Variants in TNPO1 observed in about 807,000 individuals in gnomAD.
TNPO1 encodes transportin-1.
A neutral mutation model predicts 119.5 loss-of-function variants in TNPO1; 8 were observed. That is an observed-to-expected ratio of 0.07 (90% CI 0.04 to 0.12). TNPO1 has a LOEUF of 0.12. Ranked by LOEUF, TNPO1 falls within the 10% of genes least tolerant of loss-of-function variation. The pLI is 1.00. For missense variants in TNPO1, 576 were observed against 1,089.8 expected, an observed-to-expected ratio of 0.53 and a Z score of 6.64; for synonymous variants, 362 against 363.0, an observed-to-expected ratio of 1.00 and a Z score of 0.03.
intron 9 of TNPO1, among the ~76,000 whole-genome samples, chr5:72,880,810 C>G (rs966637444): frequency 7.4e-5 from 8 of 107,780 alleles, no homozygotes; most frequent in African/African-American, 2.6e-4. Flanking sequence ...GAGCAAGACT[C>G]CATCTCAAAA....
chr5:72,895,453 G>A (rs1561355266), intron 18 of TNPO1, among the ~76,000 whole-genome samples: 1 of 151,784 alleles, frequency 6.6e-6, no homozygotes, highest in Non-Finnish European at 1.5e-5. Context: ...GCCAGTGTCT[G>A]GAGACATTTT....
intron 1 of TNPO1, chr5:72,848,028 T>A: frequency 3.9e-6 from 4 of 1,025,526 alleles, no homozygotes; most frequent in Non-Finnish European, 4.7e-6. Context: ...CTGGACGGAA[T>A]TAGAGATGGG....
chr5:72,846,514 G>T (rs1745137272), intron 1 of TNPO1, among the ~76,000 whole-genome samples: 1 of 152,202 alleles, frequency 6.6e-6, no homozygotes, highest in Non-Finnish European at 1.5e-5. Flanking sequence ...TCTCTAGGGA[G>T]CCTGGAGATA....
chr5:72,885,987 A>T (rs1157468644), intron 11 of TNPO1, among the ~76,000 whole-genome samples: 1 of 152,082 alleles, frequency 6.6e-6, no homozygotes, highest in East Asian at 1.9e-4. Context: ...AACTCTCTTG[A>T]TAACTAACCC....
At chr5:72,849,062 A>G (rs1255563924) in intron 2 of TNPO1, among the ~76,000 whole-genome samples, 1 of 151,896 alleles carries the variant, frequency 6.6e-6, no homozygotes, top group Non-Finnish European at 1.5e-5. Flanking sequence ...AAGGCTGGGG[A>G]CCTACAGGTG....
At chr5:72,901,127 G>T in intron 22 of TNPO1, 54 bp downstream of exon 22, 1 of 1,171,612 alleles carries the variant, frequency 8.5e-7, no homozygotes. Context: ...AATTTTAAAG[G>T]AAGAAACATT....
chr5:72,843,401 C>G (rs1236559545), intron 1 of TNPO1, among the ~76,000 whole-genome samples: 2 of 151,998 alleles, frequency 1.3e-5, no homozygotes, highest in Non-Finnish European at 2.9e-5. Flanking sequence ...CCAGACCAGC[C>G]TGGACAACAT....
At chr5:72,840,061 A>G (rs1422105398) in intron 1 of TNPO1, among the ~76,000 whole-genome samples, 1 of 152,218 alleles carries the variant, frequency 6.6e-6, no homozygotes, top group Non-Finnish European at 1.5e-5. Flanking sequence ...GTAGACATTC[A>G]TCAAGAGAGC....
rs137979934 is a variant in TNPO1 at position 72,855,318 on chromosome 5, A to G, written c.206-456A>G. ...AAAATTTTAATAGGATATGTTTAAG[A>G]CTAGTACTTCCAGCTCTATAATGAT... On this transcript the variant is annotated intron_variant, in intron 3 of 24. Transcript: ENST00000337273. 5.0e-3 allele frequency among the ~76,000 whole-genome samples: 759 copies of G among 152,264 alleles called. 5 individuals are homozygous for G. Among genetic ancestry groups the G allele is most frequent in the Middle Eastern group, 0.02 (6 of 294 alleles).
intron 24 of TNPO1, among the ~76,000 whole-genome samples, chr5:72,907,961 G>A (rs1331491249): frequency 1.3e-5 from 2 of 152,194 alleles, no homozygotes; most frequent in Non-Finnish European, 2.9e-5. Context: ...GACTGGGCAG[G>A]AGGATTGCTT....
intron 2 of TNPO1, among the ~76,000 whole-genome samples, chr5:72,850,502 CAA>C (rs1164127614): frequency 6.6e-6 from 1 of 152,096 alleles, no homozygotes; most frequent in African/African-American, 2.4e-5. Context: ...TGTTGGGTGA[CAA>C]AACATTTTAA....
In TNPO1 at chr5:72,910,438, C is replaced by G. The variant is rs1750486593; in HGVS notation, c.*1765C>G. On this transcript the variant is annotated 3_prime_UTR_variant, in exon 25 of 25. Coordinates refer to ENST00000337273, the MANE Select transcript of TNPO1 (RefSeq NM_002270.4). ...TGCAAGTCTTTATTAATTTGGATTG[C>G]CTGAACAGTGTATCCCATGATGATG... The G allele has an allele frequency of 1.3e-5, 2 of 152,494 alleles. No homozygotes were observed. Among genetic ancestry groups the G allele is most frequent in the Admixed American group, 6.6e-5 (1 of 15,248 alleles). The allele number at this position is 152,494 out of a possible 1,614,324, so 9.4% of individuals were successfully genotyped here.
intron 7 of TNPO1, among the ~76,000 whole-genome samples, chr5:72,875,357 G>A (rs1747682313): frequency 2.0e-5 from 3 of 152,156 alleles, no homozygotes. Context: ...TAATGACATG[G>A]TTTCTTAAAA....
Position 72,850,313 on chromosome 5 carries a change from A to G in TNPO1, c.130-931A>G, listed in dbSNP as rs3797353. ...TGTTGTTAATCTGGGCCATTCACTA[A>G]AACAAGAATTACTGTCTTGGTTGGA... On this transcript the variant is annotated intron_variant, in intron 2 of 24. Transcript: ENST00000337273. 1.2e-3 allele frequency among the ~76,000 whole-genome samples: 177 copies of G among 152,330 alleles called. 5 individuals are homozygous for G. The East Asian group carries it at 0.032, about 28-fold the overall frequency.
chr5:72,878,610 A>G (rs1329991446), intron 9 of TNPO1: 1 of 158,168 alleles, frequency 6.3e-6, no homozygotes, highest in East Asian at 1.9e-4. Context: ...TTGGACGGTA[A>G]GGTTAAGCAA....
At chr5:72,822,091 G>A (rs1237514943) in intron 1 of TNPO1, among the ~76,000 whole-genome samples, 1 of 152,184 alleles carries the variant, frequency 6.6e-6, no homozygotes, top group Non-Finnish European at 1.5e-5. Flanking sequence ...TGAGCCTTAT[G>A]TCACCCTATC....
chr5:72,816,908 G>T, intron 1 of TNPO1, 156 bp downstream of exon 1: 1 of 929,470 alleles, frequency 1.1e-6, no homozygotes, highest in South Asian at 1.9e-5. Flanking sequence ...GCGGCGGCGC[G>T]GTTCTAACCC....
intron 3 of TNPO1, among the ~76,000 whole-genome samples, chr5:72,854,928 ATTC>A (rs1443461050): frequency 6.6e-6 from 1 of 152,192 alleles, no homozygotes; most frequent in Non-Finnish European, 1.5e-5. Context: ...GGTCTTATAT[ATTC>A]TTTGTCCACT....
At chr5:72,904,016 C>G (rs990432791) in intron 23 of TNPO1, among the ~76,000 whole-genome samples, 1 of 152,132 alleles carries the variant, frequency 6.6e-6, no homozygotes, top group Non-Finnish European at 1.5e-5. Context: ...AAGTGTACCA[C>G]TAGTTTAGGT....
Sources: gnomAD v4.1 joint callset for allele counts (sites outside exome capture counted in the v4.1 genomes callset) on GRCh38, gnomAD v4.1.1 for gene constraint, MANE v1.5 for transcripts, NCBI Gene and HGNC (gene_info 2026-07-23, HGNC 2026-07-21) for gene names.